SAMMSON: variants seen among roughly 807,000 people sequenced by gnomAD.
SAMMSON encodes the protein survival associated mitochondrial melanoma specific oncogenic non-coding RNA.
At chr3:70,100,728 T>A (rs2067341959) in intron 4 of SAMMSON, among the ~76,000 whole-genome samples, 1 of 152,182 alleles carries the variant, frequency 6.6e-6, no homozygotes, top group Admixed American at 6.5e-5. Context: ...CATTGGGACA[T>A]CTATTATTTT....
chr3:70,399,250 G>A (rs1701118824), intron 2 of SAMMSON, among the ~76,000 whole-genome samples: 1 of 152,048 alleles, frequency 6.6e-6, no homozygotes, highest in South Asian at 2.1e-4. Flanking sequence ...CACACTAGTG[G>A]GCAAATTCCA....
intron 6 of SAMMSON, among the ~76,000 whole-genome samples, chr3:70,264,478 T>A (rs1701897730): frequency 1.3e-5 from 2 of 152,174 alleles, no homozygotes. Flanking sequence ...TGTGCCTGAG[T>A]CCACATGACC....
At chr3:70,220,201 TCA>T (rs1448243952) in intron 4 of SAMMSON, among the ~76,000 whole-genome samples, 1 of 152,110 alleles carries the variant, frequency 6.6e-6, no homozygotes, top group Non-Finnish European at 1.5e-5. Context: ...AATTTTATCC[TCA>T]GTTTGTCTTT....
At chr3:70,313,584 C>G (rs762394557) in intron 7 of SAMMSON, among the ~76,000 whole-genome samples, 2 of 151,800 alleles carry the variant, frequency 1.3e-5, no homozygotes, top group South Asian at 4.2e-4. Flanking sequence ...AATAGCCCAC[C>G]ATTTCTAAAA....
At chr3:70,092,230 A>G (rs2067307285) in intron 4 of SAMMSON, among the ~76,000 whole-genome samples, 2 of 152,034 alleles carry the variant, frequency 1.3e-5, no homozygotes, top group Non-Finnish European at 2.9e-5. Flanking sequence ...TCCTGAAGCT[A>G]TATATAGTTT....
intron 4 of SAMMSON, chr3:70,125,831 G>A: frequency 1.5e-6 from 1 of 664,398 alleles, no homozygotes; most frequent in Non-Finnish European, 2.7e-6. Flanking sequence ...AGATTTGCTA[G>A]TTCCATTAGT....
chr3:70,124,541 C>G (rs183759494), intron 4 of SAMMSON, among the ~76,000 whole-genome samples: 1 of 151,854 alleles, frequency 6.6e-6, no homozygotes. Context: ...GGCCGAGTAC[C>G]GTGGCTCACG....
intron 7 of SAMMSON, among the ~76,000 whole-genome samples, chr3:70,323,580 A>C (rs1589521): frequency 0.74 from 112,652 of 152,054 alleles, 42,105 homozygotes; most frequent in Non-Finnish European, 0.78. Flanking sequence ...GGCAAGGCTG[A>C]ACTGTTTCCT....
chr3:70,294,913 CA>C (rs1432399701), intron 7 of SAMMSON, among the ~76,000 whole-genome samples: 1 of 152,004 alleles, frequency 6.6e-6, no homozygotes, highest in South Asian at 2.1e-4. Context: ...GCCAATGATC[CA>C]AAAACAAAGC....
intron 4 of SAMMSON, among the ~76,000 whole-genome samples, chr3:70,153,936 T>C (rs2067581714): frequency 6.6e-6 from 1 of 152,082 alleles, no homozygotes. Context: ...GTACCTCATA[T>C]AAGTGGAATC....
intron 4 of SAMMSON, among the ~76,000 whole-genome samples, chr3:70,104,021 A>G (rs1231086196): frequency 7.0e-6 from 1 of 141,904 alleles, no homozygotes; most frequent in Non-Finnish European, 1.5e-5. Flanking sequence ...CCTATCATAG[A>G]TTTCTAGAAA....
At chr3:70,327,923 T>G (rs972286058) in intron 7 of SAMMSON, among the ~76,000 whole-genome samples, 1 of 152,196 alleles carries the variant, frequency 6.6e-6, no homozygotes, top group Admixed American at 6.6e-5. Context: ...TTAGTCCGTT[T>G]TCACACTGCT....
chr3:70,393,014 A>C (rs1156824832), downstream of SAMMSON, among the ~76,000 whole-genome samples: 20 of 152,186 alleles, frequency 1.3e-4, no homozygotes. Flanking sequence ...CAGAAAAAGC[A>C]ATTCCTATCT....
intron 4 of SAMMSON, among the ~76,000 whole-genome samples, chr3:70,080,202 C>T (rs907520198): frequency 3.3e-5 from 5 of 152,182 alleles, no homozygotes; most frequent in East Asian, 1.9e-4. Flanking sequence ...TCAGGCCAAA[C>T]GAGTTGTACA....
At chr3:70,207,033 C>A (rs1701298047) in intron 4 of SAMMSON, among the ~76,000 whole-genome samples, 1 of 139,644 alleles carries the variant, frequency 7.2e-6, no homozygotes, top group Non-Finnish European at 1.6e-5. Context: ...CTTATTTCTA[C>A]TTTTTTTTTT....
At chr3:70,043,520 C>G (rs1200895756) in intron 3 of SAMMSON, among the ~76,000 whole-genome samples, 1 of 152,046 alleles carries the variant, frequency 6.6e-6, no homozygotes, top group African/African-American at 2.4e-5. Context: ...TGCCACCAGA[C>G]TGTGGTAGTT....
At chr3:70,257,871 C>T (rs1346846697) in intron 6 of SAMMSON, among the ~76,000 whole-genome samples, 1 of 152,072 alleles carries the variant, frequency 6.6e-6, no homozygotes, top group Admixed American at 6.5e-5. Context: ...TATTTGATTT[C>T]CAAAGTTGCA....
chr3:70,267,801 G>A (rs2106668161), intron 6 of SAMMSON, among the ~76,000 whole-genome samples: 1 of 152,012 alleles, frequency 6.6e-6, no homozygotes, highest in Non-Finnish European at 1.5e-5. Context: ...TTGTTTTTAG[G>A]AAACAAGTTT....
At chr3:70,133,538 A>C (rs1193572013) in intron 4 of SAMMSON, among the ~76,000 whole-genome samples, 4 of 152,140 alleles carry the variant, frequency 2.6e-5, no homozygotes, top group Non-Finnish European at 1.5e-5. Flanking sequence ...AAGGGAGGTT[A>C]TGGGAGTCCT....
Sources: gnomAD v4.1 joint callset for allele counts (sites outside exome capture counted in the v4.1 genomes callset) on GRCh38, gnomAD v4.1.1 for gene constraint, MANE v1.5 for transcripts, NCBI Gene and HGNC (gene_info 2026-07-23, HGNC 2026-07-21) for gene names.